The following PDZRN4 variants were observed in gnomAD, a reference collection of about 807,000 sequenced individuals.
The protein encoded by PDZRN4 is PDZ domain containing ring finger 4.
PDZRN4 carries 70 observed loss-of-function variants against 99.0 expected under a neutral mutation model. The ratio of observed to expected loss-of-function variants is 0.71; its 90% CI spans 0.58 to 0.86. The LOEUF (loss-of-function observed/expected upper bound fraction) is 0.86. Among genes scored for constraint, PDZRN4 ranks in the 40% least tolerant of loss-of-function variants. The probability of loss-of-function intolerance (pLI) is 0.00; values close to 1 mark genes in which losing one functional copy is unlikely to be tolerated. For missense variants in PDZRN4, 1,474 were observed against 1,331.2 expected, an observed-to-expected ratio of 1.11 and a Z score of -1.67; for synonymous variants, 551 against 501.6, an observed-to-expected ratio of 1.10 and a Z score of -1.32.
chr12:41,565,652 G>A (rs1424764963), intron 8 of PDZRN4, among the ~76,000 whole-genome samples: 3 of 151,738 alleles, frequency 2.0e-5, no homozygotes, highest in African/African-American at 7.3e-5. Flanking sequence ...GAGTTGCTGG[G>A]GGCAGTATTG....
At chr12:41,411,933 TC>T (rs1952403055) in intron 3 of PDZRN4, 1 of 152,168 alleles carries the variant, frequency 6.6e-6, no homozygotes, top group African/African-American at 2.4e-5. Context: ...GAGGGCCAAG[TC>T]TGGTCTAGTC....
intron 3 of PDZRN4, among the ~76,000 whole-genome samples, chr12:41,258,429 A>G (rs1951217332): frequency 6.6e-6 from 1 of 152,172 alleles, no homozygotes; most frequent in African/African-American, 2.4e-5. Context: ...TATTTTACAC[A>G]TAATCTGGAG....
rs553601956 is a variant in PDZRN4, at chr12:41,403,583, C to T, written c.844-102873C>T. Among the ~76,000 whole-genome samples, 20 of 152,146 alleles carry T rather than the reference C, an allele frequency of 1.3e-4. No homozygotes were observed. The South Asian group carries it at 3.5e-3, about 27-fold the overall frequency. ...TAAGCCAATAAATGTACTAGAAATA[C>T]GCAGTTGGTTCTTGTGGGGGTTGGG... On this transcript the variant is annotated intron_variant, in intron 3 of 9. Transcript: ENST00000402685.
intron 2 of PDZRN4, among the ~76,000 whole-genome samples, chr12:41,193,742 T>C (rs1186233890): frequency 6.6e-6 from 1 of 152,244 alleles, no homozygotes; most frequent in African/African-American, 2.4e-5. Flanking sequence ...ATCACCCTTT[T>C]ACTTGCTGTC....
chr12:41,425,814 A>G (rs1001887827), intron 3 of PDZRN4, among the ~76,000 whole-genome samples: 1 of 152,170 alleles, frequency 6.6e-6, no homozygotes, highest in African/African-American at 2.4e-5. Context: ...ATCAAAATAT[A>G]GTGGGTTCAG....
intron 7 of PDZRN4, among the ~76,000 whole-genome samples, chr12:41,557,501 G>A (rs1939188753): frequency 6.6e-6 from 1 of 152,144 alleles, no homozygotes. Context: ...TAGGAAGACA[G>A]GAACATACAC....
chr12:41,445,482 T>C (rs1952717921), intron 3 of PDZRN4, among the ~76,000 whole-genome samples: 1 of 152,094 alleles, frequency 6.6e-6, no homozygotes, highest in South Asian at 2.1e-4. Flanking sequence ...CAACAGTCAA[T>C]CACTGTCCAG....
At chr12:41,377,678 A>G (rs572474825) in intron 3 of PDZRN4, among the ~76,000 whole-genome samples, 123 of 152,058 alleles carry the variant, frequency 8.1e-4, no homozygotes, top group Non-Finnish European at 1.5e-3. Flanking sequence ...AAAAAAAATT[A>G]TAGTTTTCAG....
chr12:41,400,095 A>T (rs1009313800), intron 3 of PDZRN4, among the ~76,000 whole-genome samples: 6 of 152,200 alleles, frequency 3.9e-5, no homozygotes, highest in African/African-American at 1.4e-4. Flanking sequence ...TGAAGCAGTC[A>T]TCAGATAACT....
At chr12:41,308,751 G>C (rs989520456) in intron 3 of PDZRN4, among the ~76,000 whole-genome samples, 23 of 152,250 alleles carry the variant, frequency 1.5e-4, no homozygotes, top group African/African-American at 5.3e-4. Context: ...ATACTTAAGT[G>C]ACAAATATTC....
At position 41,310,459 on chromosome 12, in the gene PDZRN4, C is replaced by T. The variant is rs183577260; in HGVS notation, c.843+116271C>T. Among the ~76,000 whole-genome samples the T allele has an allele frequency of 5.7e-3, 864 of 152,044 alleles. 20 individuals are homozygous for T. The highest frequency in any genetic ancestry group is 8.4e-3 in the Admixed American group (129 of 15,278). The stretch of plus-strand genomic sequence containing the variant: ...TTGTGACTTTCAGTATTAAAGAGCT[C>T]TATTCAGTTGCTCTTAACCCTTCCA... On this transcript the variant is annotated intron_variant, in intron 3 of 9. Transcript: ENST00000402685.
rs538624916 is a variant in PDZRN4 at position 41,429,560 on chromosome 12, A to T, written c.844-76896A>T. On this transcript the variant is annotated intron_variant, in intron 3 of 9. Transcript: ENST00000402685. ...GGCCCTCTAGGAATTTGTCATAATGATGACTGTCTCTGAGTGACAGGCAAT... is the reference window on the plus strand; with the variant it reads ...GGCCCTCTAGGAATTTGTCATAATGTTGACTGTCTCTGAGTGACAGGCAAT... Among the ~76,000 whole-genome samples, 19 of 152,246 alleles carry T rather than the reference A, an allele frequency of 1.2e-4. No homozygotes were observed. The East Asian group carries it at 3.7e-3, about 29-fold the overall frequency.
At chr12:41,480,857 A>G (rs1286294534) in intron 3 of PDZRN4, among the ~76,000 whole-genome samples, 1 of 152,174 alleles carries the variant, frequency 6.6e-6, no homozygotes. Flanking sequence ...TCAGCAGGTG[A>G]TACAGAATAT....
intron 3 of PDZRN4, among the ~76,000 whole-genome samples, chr12:41,443,400 A>G (rs1489670743): frequency 3.9e-5 from 6 of 152,118 alleles, no homozygotes; most frequent in African/African-American, 9.7e-5. Flanking sequence ...AACTATAAGC[A>G]ATAGGTATCG....
chr12:41,204,597 A>G (rs892329236), intron 3 of PDZRN4, among the ~76,000 whole-genome samples: 29 of 152,128 alleles, frequency 1.9e-4, no homozygotes, highest in Admixed American at 4.6e-4. Flanking sequence ...AGCAGGAGGG[A>G]GAATAAATGC....
intron 3 of PDZRN4, among the ~76,000 whole-genome samples, chr12:41,204,024 T>C (rs1950833031): frequency 6.7e-6 from 1 of 148,744 alleles, no homozygotes; most frequent in Non-Finnish European, 1.5e-5. Flanking sequence ...CAGTTGTCCA[T>C]ATATGAAGTA....
At chr12:41,224,118 TG>T (rs1201365007) in intron 3 of PDZRN4, among the ~76,000 whole-genome samples, 1 of 152,234 alleles carries the variant, frequency 6.6e-6, no homozygotes, top group Non-Finnish European at 1.5e-5. Context: ...TGGTTGCATC[TG>T]AGAGGTCACC....
chr12:41,507,124 T>A (rs1446552941), intron 4 of PDZRN4, among the ~76,000 whole-genome samples: 1 of 152,126 alleles, frequency 6.6e-6, no homozygotes, highest in South Asian at 2.1e-4. Flanking sequence ...GTGGGCCACC[T>A]CTCTCTCTTC....
intron 5 of PDZRN4, among the ~76,000 whole-genome samples, chr12:41,546,897 A>G (rs972541422): frequency 6.6e-6 from 1 of 152,240 alleles, no homozygotes; most frequent in Non-Finnish European, 1.5e-5. Context: ...CCTCTTCTAC[A>G]CATTGCTTAT....
Sources: gnomAD v4.1 joint callset for allele counts (sites outside exome capture counted in the v4.1 genomes callset) on GRCh38, gnomAD v4.1.1 for gene constraint, MANE v1.5 for transcripts, NCBI Gene and HGNC (gene_info 2026-07-23, HGNC 2026-07-21) for gene names.